SULF1: variants seen among roughly 807,000 people sequenced by gnomAD.
The protein encoded by SULF1 is extracellular sulfatase Sulf-1.
A neutral mutation model predicts 110.5 loss-of-function variants in SULF1; 46 were observed. The observed-to-expected ratio is 0.42, with a 90% CI of 0.33 to 0.53. SULF1 has a LOEUF of 0.53. SULF1 is among the 20% of genes least tolerant of loss of function. The pLI, the probability that SULF1 is intolerant of heterozygous loss-of-function variation, is 0.12. For synonymous variants in SULF1, 371 were observed against 387.1 expected, an observed-to-expected ratio of 0.96 and a Z score of 0.49; for missense variants, 941 against 1,094.2, an observed-to-expected ratio of 0.86 and a Z score of 1.98.
intron 6 of SULF1, among the ~76,000 whole-genome samples, chr8:69,582,526 A>G (rs1310680640): frequency 6.6e-6 from 1 of 152,124 alleles, no homozygotes; most frequent in African/African-American, 2.4e-5. Context: ...CACCATTATT[A>G]TTATCACCAT....
intron 12 of SULF1, among the ~76,000 whole-genome samples, chr8:69,604,200 T>A (rs1227194419): frequency 6.6e-6 from 1 of 152,188 alleles, no homozygotes; most frequent in Non-Finnish European, 1.5e-5. Flanking sequence ...ACCAAAGCCT[T>A]TATCATGGGT....
chr8:69,612,455 T>A (rs1490412237), intron 13 of SULF1, among the ~76,000 whole-genome samples: 2 of 152,204 alleles, frequency 1.3e-5, no homozygotes, highest in African/African-American at 4.8e-5. Flanking sequence ...TTGCACTAAT[T>A]TACATTCTCA....
At chr8:69,536,401 T>C (rs1028361660) in intron 3 of SULF1, among the ~76,000 whole-genome samples, 2 of 152,234 alleles carry the variant, frequency 1.3e-5, no homozygotes, top group African/African-American at 4.8e-5. Flanking sequence ...AACTCCATGA[T>C]CCTGAGTATC....
chr8:69,563,843 T>C (rs2150720365), intron 4 of SULF1, 73 bp from the exon 5 acceptor site: 1 of 874,460 alleles, frequency 1.1e-6, no homozygotes, highest in East Asian at 2.6e-5. Context: ...TTTGTAGCCC[T>C]TTCTCTGCAA....
intron 10 of SULF1, among the ~76,000 whole-genome samples, chr8:69,602,900 A>G (rs1252873233): frequency 6.6e-6 from 1 of 152,186 alleles, no homozygotes; most frequent in Non-Finnish European, 1.5e-5. Context: ...AAGCAAAAGT[A>G]TGCTTGCTGC....
chr8:69,636,905 AC>A (rs1811079629), intron 19 of SULF1, among the ~76,000 whole-genome samples: 1 of 152,124 alleles, frequency 6.6e-6, no homozygotes, highest in Non-Finnish European at 1.5e-5. Flanking sequence ...AGTGGATCAA[AC>A]CAGCAGCAGG....
chr8:69,490,450 C>A (rs1222695668), upstream of SULF1, among the ~76,000 whole-genome samples: 1 of 151,964 alleles, frequency 6.6e-6, no homozygotes, highest in African/African-American at 2.4e-5. Context: ...TTTTTTTTAG[C>A]AACAAAACCA....
At chr8:69,480,439 C>A (rs1268367248) in intron 1 of SULF1, among the ~76,000 whole-genome samples, 1 of 152,148 alleles carries the variant, frequency 6.6e-6, no homozygotes, top group Non-Finnish European at 1.5e-5. Flanking sequence ...TTAGGGATAC[C>A]TATTGCATTA....
chr8:69,630,002 C>T (rs1288428818), intron 19 of SULF1, among the ~76,000 whole-genome samples: 1 of 152,168 alleles, frequency 6.6e-6, no homozygotes, highest in African/African-American at 2.4e-5. Flanking sequence ...GGATGAACAT[C>T]CCGTAAATGG....
intron 3 of SULF1, among the ~76,000 whole-genome samples, chr8:69,548,448 C>T (rs1177187520): frequency 1.4e-5 from 2 of 138,734 alleles, no homozygotes; most frequent in East Asian, 2.1e-4. Flanking sequence ...TGGATGTTAA[C>T]TTTTTTTTTT....
chr8:69,572,269 T>C (rs1399600177), intron 5 of SULF1, among the ~76,000 whole-genome samples: 1 of 152,184 alleles, frequency 6.6e-6, no homozygotes, highest in Admixed American at 6.5e-5. Context: ...CTGGGAAGAC[T>C]GCCTGCATTT....
intron 1 of SULF1, chr8:69,473,120 G>A (rs1256641293): frequency 2.0e-5 from 3 of 152,060 alleles, no homozygotes; most frequent in African/African-American, 4.8e-5. Context: ...TATTACAGGT[G>A]TGAGCAACCA....
At chr8:69,654,787 T>C (rs1389920035) in intron 22 of SULF1, among the ~76,000 whole-genome samples, 1 of 152,234 alleles carries the variant, frequency 6.6e-6, no homozygotes, top group East Asian at 1.9e-4. Context: ...CAGCCTTCAA[T>C]GCTTTTGTCT....
intron 1 of SULF1, among the ~76,000 whole-genome samples, chr8:69,477,045 T>A (rs1395273717): frequency 6.6e-6 from 1 of 152,174 alleles, no homozygotes; most frequent in Non-Finnish European, 1.5e-5. Context: ...AATTTTGGAT[T>A]GTCTAAGTTC....
chr8:69,549,442 A>T (rs908459994), intron 3 of SULF1, among the ~76,000 whole-genome samples: 2 of 152,084 alleles, frequency 1.3e-5, no homozygotes, highest in African/African-American at 4.8e-5. Flanking sequence ...TTAAAATTGC[A>T]CTTGAGATGG....
At chr8:69,640,717 G>T (rs1563621858) in intron 21 of SULF1, 91 bp from the exon 22 acceptor site, 2 of 1,099,754 alleles carry the variant, frequency 1.8e-6, no homozygotes, top group South Asian at 1.6e-5. Flanking sequence ...TTCTTTCTAG[G>T]ATTTAGATGT....
rs1812539937 is a variant in SULF1 at position 69,524,629 on chromosome 8, A to G, written c.-134+22661A>G. Among the ~76,000 whole-genome samples, 3 of 152,288 alleles carry G rather than the reference A, an allele frequency of 2.0e-5. No homozygotes were observed. In the South Asian group the frequency reaches 6.2e-4, roughly 32 times the overall value. ...TGGAGGGAGCAAAAATCCAAACTAC[A>G]TCAAATGGATACACTCACATTTGCA... On this transcript the variant is annotated intron_variant, in intron 3 of 22. Coordinates refer to ENST00000402687, the MANE Select transcript of SULF1 (RefSeq NM_001128205.2).
Position 69,550,803 on chromosome 8 carries a change from A to G in SULF1, c.-133-12736A>G, listed in dbSNP as rs534844855. ...AATTGAGGTAGATAAAGTCATTTGGAAAGTTGCAAACATGACCTTGGCCCA... is the reference window on the plus strand; with the variant it reads ...AATTGAGGTAGATAAAGTCATTTGGGAAGTTGCAAACATGACCTTGGCCCA... On this transcript the variant is annotated intron_variant, in intron 3 of 22. Transcript: ENST00000402687. 3.3e-5 allele frequency among the ~76,000 whole-genome samples: 5 copies of G among 152,154 alleles called. No homozygotes were observed. In the South Asian group the frequency reaches 1.0e-3, roughly 32 times the overall value.
intron 3 of SULF1, among the ~76,000 whole-genome samples, chr8:69,529,345 A>G (rs959836480): frequency 6.6e-6 from 1 of 152,212 alleles, no homozygotes; most frequent in Non-Finnish European, 1.5e-5. Context: ...CTCTATTCTT[A>G]TGAATCATCA....
Sources: gnomAD v4.1 joint callset for allele counts (sites outside exome capture counted in the v4.1 genomes callset) on GRCh38, gnomAD v4.1.1 for gene constraint, MANE v1.5 for transcripts, NCBI Gene and HGNC (gene_info 2026-07-23, HGNC 2026-07-21) for gene names.